Variants in SEMA3A observed in about 807,000 individuals in gnomAD.
SEMA3A encodes the protein semaphorin-3A.
In SEMA3A, 29 loss-of-function variants were observed where a neutral mutation model predicts 97.9. That is an observed-to-expected ratio of 0.30 (90% CI 0.22 to 0.40). SEMA3A has a LOEUF of 0.40. Among genes scored for constraint, SEMA3A ranks in the 10% least tolerant of loss-of-function variants. SEMA3A has a pLI of 1.00. For synonymous variants in SEMA3A, 321 were observed against 323.7 expected, an observed-to-expected ratio of 0.99 and a Z score of 0.09; for missense variants, 763 against 951.3, an observed-to-expected ratio of 0.80 and a Z score of 2.60.
At chr7:84,379,605 G>A (rs535787797) in intron 1 of SEMA3A, among the ~76,000 whole-genome samples, 2 of 151,918 alleles carry the variant, frequency 1.3e-5, no homozygotes, top group Non-Finnish European at 2.9e-5. Context: ...TCAATTTGAG[G>A]AAGTGATCAG....
intron 1 of SEMA3A, among the ~76,000 whole-genome samples, chr7:84,156,331 T>C (rs1796845274): frequency 6.6e-6 from 1 of 152,164 alleles, no homozygotes; most frequent in Non-Finnish European, 1.5e-5. Context: ...TGGTGTACCT[T>C]ATATGACAAA....
At chr7:84,303,941 GTA>G (rs1333407995) in intron 3 of SEMA3A, among the ~76,000 whole-genome samples, 1 of 152,060 alleles carries the variant, frequency 6.6e-6, no homozygotes, top group Non-Finnish European at 1.5e-5. Context: ...AAGTTTGGGA[GTA>G]TCCATCCTAA....
chr7:84,350,446 G>A (rs1294734988), intron 2 of SEMA3A, among the ~76,000 whole-genome samples: 6 of 151,888 alleles, frequency 4.0e-5, no homozygotes, highest in African/African-American at 1.5e-4. Flanking sequence ...TGTTTAATAA[G>A]TTCATTTTTA....
intron 14 of SEMA3A, among the ~76,000 whole-genome samples, chr7:83,977,790 T>G (rs925157687): frequency 6.3e-5 from 9 of 142,548 alleles, no homozygotes; most frequent in African/African-American, 1.5e-4. Flanking sequence ...AACCTATCCT[T>G]TTTTTTTTTC....
intron 3 of SEMA3A, among the ~76,000 whole-genome samples, chr7:84,216,193 G>T (rs1487184347): frequency 1.3e-5 from 2 of 152,056 alleles, no homozygotes; most frequent in Non-Finnish European, 1.5e-5. Flanking sequence ...TGCCACCTCT[G>T]CCTCCTGGGT....
At chr7:84,309,631 C>T (rs1039314024) in intron 2 of SEMA3A, among the ~76,000 whole-genome samples, 6 of 152,218 alleles carry the variant, frequency 3.9e-5, no homozygotes, top group Non-Finnish European at 5.9e-5. Flanking sequence ...ACATATACCA[C>T]GTGTGGGCTT....
chr7:84,357,012 T>C (rs1042637966), intron 2 of SEMA3A, among the ~76,000 whole-genome samples: 9 of 151,942 alleles, frequency 5.9e-5, no homozygotes, highest in Admixed American at 4.6e-4. Flanking sequence ...AAAGCAGCTA[T>C]AGTATCAATA....
At chr7:84,433,975 C>G (rs1805053837) in intron 1 of SEMA3A, among the ~76,000 whole-genome samples, 1 of 152,022 alleles carries the variant, frequency 6.6e-6, no homozygotes, top group Non-Finnish European at 1.5e-5. Context: ...GATATTAGCC[C>G]TTTGTCTGAT....
intron 2 of SEMA3A, among the ~76,000 whole-genome samples, chr7:84,355,576 T>C (rs1287325096): frequency 1.3e-5 from 2 of 151,856 alleles, no homozygotes; most frequent in African/African-American, 2.4e-5. Context: ...AATGGGATAA[T>C]CAGAACCTAC....
At chr7:84,477,438 C>CAAAAAAAAAAAAA (rs11335984) in intron 1 of SEMA3A, among the ~76,000 whole-genome samples, 1 of 42,376 alleles carries the variant, frequency 2.4e-5, no homozygotes, top group African/African-American at 7.0e-5. Context: ...GACTCTGTCT[C>CAAAAAAAAAAAAA]AAAAAAAAAA....
At chr7:84,182,363 C>A (rs776422136) in intron 1 of SEMA3A, among the ~76,000 whole-genome samples, 2 of 152,080 alleles carry the variant, frequency 1.3e-5, no homozygotes, top group African/African-American at 2.4e-5. Flanking sequence ...TCAAGGCAAC[C>A]ATTACGCCAT....
chr7:84,059,748 G>C (rs1793139321), intron 5 of SEMA3A, among the ~76,000 whole-genome samples: 1 of 150,696 alleles, frequency 6.6e-6, no homozygotes, highest in Non-Finnish European at 1.5e-5. Context: ...TTAGGTTGTT[G>C]GTATGCTCAA....
chr7:83,991,591 C>T (rs977138501), intron 12 of SEMA3A, among the ~76,000 whole-genome samples: 5 of 151,842 alleles, frequency 3.3e-5, no homozygotes, highest in South Asian at 2.1e-4. Flanking sequence ...GTGGTTTTTG[C>T]CTTTGGCTCT....
chr7:84,365,718 C>T (rs901974144), intron 2 of SEMA3A, among the ~76,000 whole-genome samples: 1 of 151,202 alleles, frequency 6.6e-6, no homozygotes, highest in Non-Finnish European at 1.5e-5. Context: ...TTCAAAATCA[C>T]TCTGATGTTA....
chr7:84,450,218 A>G (rs150749838), intron 1 of SEMA3A, among the ~76,000 whole-genome samples: 48 of 152,220 alleles, frequency 3.2e-4, no homozygotes, highest in African/African-American at 1.1e-3. Context: ...CAATTTCTCT[A>G]CATTCTCTCC....
chr7:84,301,490 T>C (rs1477656108), intron 3 of SEMA3A, among the ~76,000 whole-genome samples: 2 of 152,140 alleles, frequency 1.3e-5, no homozygotes, highest in Non-Finnish European at 2.9e-5. Context: ...TAAAATATGC[T>C]CAATATCATC....
intron 3 of SEMA3A, among the ~76,000 whole-genome samples, chr7:84,248,836 A>G (rs747219860): frequency 6.6e-6 from 1 of 152,064 alleles, no homozygotes; most frequent in African/African-American, 2.4e-5. Flanking sequence ...TTAAGACATA[A>G]TAGCCCAGCG....
chr7:84,377,359 G>A (rs1202873146), intron 1 of SEMA3A, among the ~76,000 whole-genome samples: 4 of 152,074 alleles, frequency 2.6e-5, no homozygotes, highest in South Asian at 2.1e-4. Flanking sequence ...TCTCAAATAA[G>A]CACAGAAATC....
intron 6 of SEMA3A, among the ~76,000 whole-genome samples, chr7:84,034,970 T>G (rs754450832): frequency 2.6e-4 from 40 of 152,126 alleles, no homozygotes; most frequent in Non-Finnish European, 5.0e-4. Context: ...TAAATTAAAT[T>G]TAAGTTAGGT....
Sources: allele counts gnomAD v4.1 joint callset (sites outside exome capture counted in the v4.1 genomes callset), GRCh38; gene constraint gnomAD v4.1.1; transcripts MANE v1.5; gene names NCBI Gene and HGNC (gene_info 2026-07-23, HGNC 2026-07-21).